Variants in TPP2 observed in about 807,000 individuals in gnomAD.
TPP2 encodes tripeptidyl peptidase 2, also known as tripeptidyl-peptidase 2.
In TPP2, 34 loss-of-function variants were observed where a neutral mutation model predicts 155.9. The ratio of observed to expected loss-of-function variants is 0.22; its 90% CI spans 0.17 to 0.29. The LOEUF is 0.29. Ranked by LOEUF, TPP2 falls within the 10% of genes least tolerant of loss-of-function variation. TPP2 has a pLI of 1.00. For synonymous variants in TPP2, 510 were observed against 529.4 expected (o/e 0.96, Z 0.50); for missense variants, 1,028 against 1,522.3 (o/e 0.68, Z 5.40).
chr13:102,639,098 C>T (rs551826496), intron 15 of TPP2, among the ~76,000 whole-genome samples: 35 of 152,328 alleles, frequency 2.3e-4, no homozygotes, highest in African/African-American at 7.2e-4. Flanking sequence ...CTTTCTGCTT[C>T]GTGGCACATT....
intron 10 of TPP2, among the ~76,000 whole-genome samples, chr13:102,630,798 G>T (rs138693516): frequency 1.3e-5 from 2 of 152,106 alleles, no homozygotes. Flanking sequence ...TATCATCAGC[G>T]GGTACATGCA....
intron 24 of TPP2, among the ~76,000 whole-genome samples, chr13:102,653,004 T>C (rs1399522254): frequency 2.0e-5 from 3 of 152,202 alleles, no homozygotes; most frequent in Non-Finnish European, 4.4e-5. Context: ...TTTCTTCTTA[T>C]TTTTGTTGAC....
chr13:102,623,345 C>T (rs1431786895), intron 6 of TPP2, among the ~76,000 whole-genome samples: 2 of 152,246 alleles, frequency 1.3e-5, no homozygotes, highest in African/African-American at 4.8e-5. Flanking sequence ...GTGTGGATCA[C>T]CTGAGGCTGG....
chr13:102,619,925 G>A (rs745963081), intron 5 of TPP2, among the ~76,000 whole-genome samples: 13 of 152,178 alleles, frequency 8.5e-5, no homozygotes, highest in African/African-American at 1.4e-4. Context: ...TCAGTGATAA[G>A]CCTTAGGTGC....
intron 19 of TPP2, among the ~76,000 whole-genome samples, chr13:102,645,441 A>T (rs963534481): frequency 1.3e-5 from 2 of 152,214 alleles, no homozygotes; most frequent in Non-Finnish European, 2.9e-5. Flanking sequence ...AAAGCAGGGC[A>T]CCTTGACCTG....
chr13:102,614,033 T>C, intron 2 of TPP2, 68 bp from the exon 3 acceptor site: 2 of 1,380,210 alleles, frequency 1.4e-6, no homozygotes, highest in Admixed American at 1.9e-5. Flanking sequence ...ACTTTTTTGC[T>C]CAGTAGTGTA....
chr13:102,607,072 A>T (rs1244478372), intron 2 of TPP2, among the ~76,000 whole-genome samples: 1 of 152,162 alleles, frequency 6.6e-6, no homozygotes, highest in Non-Finnish European at 1.5e-5. Flanking sequence ...ACACAGCAAG[A>T]AGGTGGCCTC....
In TPP2 at chr13:102,614,175, G is replaced by A. The variant is rs1187185118; in HGVS notation, c.369G>A (p.Lys123=). The A allele has an allele frequency of 6.2e-7, 1 of 1,612,990 alleles. No individual in the cohort carries two copies. The highest frequency in any genetic ancestry group is 2.2e-5 in the East Asian group (1 of 44,770). The change falls in exon 3 of 30, where the codon AAG becomes AAA. Residue 123 remains lysine (K), a synonymous_variant. Transcript: ENST00000376052. ...AAAATGGCTATGACTTCTATCCTAAGGCACTCAAGGAAAGGATACAGGTAA... is the reference window on the plus strand; with the variant it reads ...AAAATGGCTATGACTTCTATCCTAAAGCACTCAAGGAAAGGATACAGGTAA... ...GIKNGYDFYP[K]ALKERIQKER... is the part of the protein sequence containing the mutation.
chr13:102,635,296 A>G (rs919004619), intron 11 of TPP2, among the ~76,000 whole-genome samples: 9 of 152,208 alleles, frequency 5.9e-5, no homozygotes, highest in African/African-American at 2.2e-4. Flanking sequence ...TGTCATTCAC[A>G]TGCTTTTAGA....
intron 1 of TPP2, among the ~76,000 whole-genome samples, chr13:102,602,503 C>T (rs1879504347): frequency 6.6e-6 from 1 of 152,044 alleles, no homozygotes; most frequent in African/African-American, 2.4e-5. Context: ...AACAGCTGTG[C>T]CTGGGAGGCC....
intron 5 of TPP2, among the ~76,000 whole-genome samples, chr13:102,622,624 T>A (rs1881245015): frequency 6.6e-6 from 1 of 152,214 alleles, no homozygotes; most frequent in African/African-American, 2.4e-5. Context: ...CCAGGTGGTT[T>A]TTAACCTAGA....
At chr13:102,614,245 C>T (rs774267395) in intron 3 of TPP2, 49 bp downstream of exon 3, 24 of 1,424,176 alleles carry the variant, frequency 1.7e-5, no homozygotes, top group Middle Eastern at 1.8e-4. Flanking sequence ...GACTTGTCTT[C>T]TTCCTCAGAT....
chr13:102,647,736 C>T (rs1391946034), intron 21 of TPP2, among the ~76,000 whole-genome samples: 1 of 152,188 alleles, frequency 6.6e-6, no homozygotes, highest in Non-Finnish European at 1.5e-5. Context: ...AGCACTGCAG[C>T]AGTGGCCGCA....
Position 102,644,649 on chromosome 13 carries a change from G to C in TPP2, c.2268G>C (p.Val756=), listed in dbSNP as rs758345552. ...ATACCATTTCTTTCCATGGGATAGT[G>C]TGTACTGCTCCTCAGTTAAACATTG... ...IDYTISFHGI[V]CTAPQLNIHA... Residue 756 remains valine (V), a synonymous_variant, in exon 18 of 30, where the codon GTG becomes GTC. Transcript: ENST00000376052. 4 of 1,610,810 alleles carry C rather than the reference G, an allele frequency of 2.5e-6. No individual in the cohort carries two copies. Among genetic ancestry groups the C allele is most frequent in the Non-Finnish European group, 3.4e-6 (4 of 1,178,948 alleles).
intron 26 of TPP2, 22 bp downstream of exon 26, chr13:102,663,766 A>C: frequency 2.6e-6 from 4 of 1,531,738 alleles, no homozygotes; most frequent in Non-Finnish European, 3.5e-6. Context: ...TCATTCTGAT[A>C]TATCTTATTT....
Position 102,656,918 on chromosome 13 carries a change from T to G in TPP2, c.2992-138T>G, listed in dbSNP as rs1038459258. The G allele has an allele frequency of 1.3e-5, 11 of 846,514 alleles. No homozygotes were observed. The African/African-American group carries it at 2.0e-4, about 15-fold the overall frequency. The allele number at this position is 846,514 out of a possible 1,614,324, so 52.4% of individuals were successfully genotyped here. A position where few individuals can be genotyped will look rare whatever the true frequency, so the allele number is the denominator to read the frequency against. On this transcript the variant is annotated intron_variant, in intron 24 of 29. Coordinates refer to ENST00000376052, the MANE Select transcript of TPP2 (RefSeq NM_001330588.2). ...CCAGAGATTGGAATTTTTGGTGTAT[T>G]GTGACCCTTAGAATCTAGAATACAG... is the stretch of plus-strand genomic sequence containing the variant.
chr13:102,663,130 ATT>A (rs112161004), intron 25 of TPP2, among the ~76,000 whole-genome samples: 3 of 76,526 alleles, frequency 3.9e-5, no homozygotes, highest in Middle Eastern at 8.3e-3. Context: ...TTATTTATTT[ATT>A]TTTTTTAATT....
chr13:102,646,922 AT>A (rs1281584876), intron 20 of TPP2, among the ~76,000 whole-genome samples: 1 of 152,168 alleles, frequency 6.6e-6, no homozygotes, highest in Non-Finnish European at 1.5e-5. Flanking sequence ...GTTTCAGTGA[AT>A]TTTCACATTT....
intron 27 of TPP2, among the ~76,000 whole-genome samples, chr13:102,670,754 A>C (rs1179133188): frequency 6.6e-6 from 1 of 152,174 alleles, no homozygotes; most frequent in Non-Finnish European, 1.5e-5. Flanking sequence ...AATATCTCCT[A>C]GTAATTTCTG....
Sources: gnomAD v4.1 joint callset for allele counts (sites outside exome capture counted in the v4.1 genomes callset) on GRCh38, gnomAD v4.1.1 for gene constraint, MANE v1.5 for transcripts, NCBI Gene and HGNC (gene_info 2026-07-23, HGNC 2026-07-21) for gene names.